DSG3: variants seen among roughly 807,000 people sequenced by gnomAD.
DSG3 encodes desmoglein 3.
DSG3 carries 63 observed loss-of-function variants against 85.9 expected under a neutral mutation model. That is an observed-to-expected ratio of 0.73 (90% CI 0.60 to 0.90). The LOEUF (loss-of-function observed/expected upper bound fraction) is 0.90. DSG3 is among the 40% of genes least tolerant of loss of function. The probability of loss-of-function intolerance (pLI) is 0.00; values close to 1 mark genes in which losing one functional copy is unlikely to be tolerated. For synonymous variants in DSG3, 447 were observed against 441.9 expected (o/e 1.01, Z -0.14); for missense variants, 1,220 against 1,219.9 (o/e 1.00, Z 0.00).
In DSG3 at chr18:31,465,325, A is replaced by G; in HGVS notation, c.1279A>G (p.Met427Val). The stretch of plus-strand genomic sequence containing the variant: ...TTTAATATTATGAAACAGATATGTC[A>G]TGGGACGTAACGATGGTGGATACCT... ...NKAASNVKYV[M>V]GRNDGGYLMI... Residue 427 changes from methionine (M) to valine (V), a missense_variant, in exon 10 of 16, where the codon ATG (methionine) becomes GTG (valine). Physicochemically the swap from Met to Val is conservative, Grantham distance 21 (BLOSUM62 1). Coordinates refer to ENST00000257189, the MANE Select transcript of DSG3 (RefSeq NM_001944.3). 1 of 1,457,558 alleles carries G rather than the reference A, an allele frequency of 6.9e-7. No homozygotes were observed. The highest frequency in any genetic ancestry group is 9.1e-7 in the Non-Finnish European group (1 of 1,100,194). 90.3% of individuals were successfully genotyped at this position (1,457,558 alleles called of 1,614,324 possible). A position where few individuals can be genotyped will look rare whatever the true frequency, so the allele number is the denominator to read the frequency against.
Position 31,472,785 on chromosome 18 carries a change from T to C in DSG3, c.2098T>C (p.Ser700Pro). The C allele has an allele frequency of 1.2e-6, 2 of 1,614,000 alleles. No homozygotes were observed. Among genetic ancestry groups the C allele is most frequent in the South Asian group, 1.1e-5 (1 of 91,078 alleles). ...TANGADFMES[S>P]EVCTNTYARG... is the part of the protein sequence containing the mutation. ...CAATGGAGCCGATTTCATGGAAAGT[T>C]CTGGTAAGTGGACATAAAATGTTTG... Residue 700 changes from serine (S) to proline (P), a missense_variant, in exon 14 of 16, where the codon TCT becomes CCT. Ser to Pro is a moderately conservative substitution (Grantham distance 74). Transcript: ENST00000257189.
chr18:31,455,280 G>A (rs1315128676), intron 1 of DSG3, among the ~76,000 whole-genome samples: 1 of 151,712 alleles, frequency 6.6e-6, no homozygotes, highest in African/African-American at 2.4e-5. Flanking sequence ...ATTAGCTACT[G>A]TTATTACTCT....
chr18:31,447,748 A>G lies in DSG3; in HGVS notation c.-130A>G, dbSNP rs1467317301. ...AGGGTGGGGAGGGACCGCATAACAG[A>G]CCATCTGTAGACTCCTTCGGAAAGC... On this transcript the variant is annotated 5_prime_UTR_variant, in exon 1 of 16. Transcript: ENST00000257189. The G allele has an allele frequency of 1.6e-6, 1 of 621,306 alleles. No individual in the cohort carries two copies. The highest frequency in any genetic ancestry group is 3.2e-5 in the East Asian group (1 of 31,036). 38.5% of individuals were successfully genotyped at this position (621,306 alleles called of 1,614,324 possible).
In DSG3 at chr18:31,464,401, A is replaced by G. The variant is rs749418117; in HGVS notation, c.1271+19A>G. 7.5e-6 allele frequency: 12 copies of G among 1,591,330 alleles called. No homozygotes were observed. The Admixed American group carries it at 8.8e-5, about 12-fold the overall frequency. ...ATGTCAAGTAAGACTATTTTTATTT[A>G]TATCCTATTTCTTGATGAGGTTTTA... On this transcript the variant is annotated intron_variant, in intron 9 of 15. Transcript: ENST00000257189.
chr18:31,465,190 A>T (rs1197800606), intron 9 of DSG3, 128 bp from the exon 10 acceptor site: 2 of 622,538 alleles, frequency 3.2e-6, no homozygotes, highest in Non-Finnish European at 2.4e-6. Flanking sequence ...GTTGCTTTTT[A>T]TAAAAGCATA....
chr18:31,475,604 C>CAAGCA lies in DSG3; in HGVS notation c.2386-42_2386-41insAAGCA, dbSNP rs1245263175. The CAAGCA allele has an allele frequency of 1.9e-6, 3 of 1,589,064 alleles. No homozygotes were observed. The Admixed American group carries it at 5.3e-5, about 28-fold the overall frequency. ...ACAGTATTATATTGTTCAACTGACTCTTTCTTAAAATTCATTTTTTCCCAC... is the reference window on the plus strand; with the variant it reads ...ACAGTATTATATTGTTCAACTGACTCAAGCATTTCTTAAAATTCATTTTTTCCCAC... On this transcript the variant is annotated intron_variant, in intron 15 of 15. Transcript: ENST00000257189.
At position 31,466,646 on chromosome 18, in the gene DSG3, G is replaced by A. The variant is rs1462035177; in HGVS notation, c.1528G>A (p.Val510Ile). The A allele has an allele frequency of 1.2e-6, 2 of 1,614,182 alleles. No homozygotes were observed. Among genetic ancestry groups the A allele is most frequent in the Non-Finnish European group, 1.7e-6 (2 of 1,180,028 alleles). Residue 510 changes from valine to isoleucine, a missense_variant, in exon 11 of 16, where the codon GTT becomes ATT. Physicochemically the swap from Val to Ile is conservative, Grantham distance 29. Transcript: ENST00000257189. ...DAVCSSSPSV[V>I]VSARTLNNRY... ...AGTTTGCAGTTCTTCACCTTCCGTG[G>A]TTGTCTCCGCTAGAACACTGAATAA...
At chr18:31,469,374 T>C (rs772895546) in intron 12 of DSG3, 25 bp downstream of exon 12, 2 of 1,610,754 alleles carry the variant, frequency 1.2e-6, no homozygotes, top group South Asian at 1.1e-5. Flanking sequence ...TTTCATTCTC[T>C]GTTGGACCAG....
At chr18:31,459,788 G>C (rs1011422792) in intron 5 of DSG3, 57 bp from the exon 6 acceptor site, 11 of 1,467,622 alleles carry the variant, frequency 7.5e-6, no homozygotes, top group Non-Finnish European at 1.0e-5. Flanking sequence ...AATATTTAAA[G>C]TAAACATAAT....
chr18:31,450,925 C>T (rs1277478050), intron 1 of DSG3, among the ~76,000 whole-genome samples: 1 of 151,970 alleles, frequency 6.6e-6, no homozygotes, highest in African/African-American at 2.4e-5. Flanking sequence ...ACCATGGATA[C>T]CAGTGTTAGT....
chr18:31,464,131 A>AAGTTT lies in DSG3; in HGVS notation c.1020_1021insAGTTT (p.Gln341SerfsTer5), dbSNP rs773454351. On this transcript the variant is annotated frameshift_variant, in exon 9 of 16. Transcript: ENST00000257189. LOFTEE classifies it high-confidence loss of function. The stretch of plus-strand genomic sequence containing the variant: ...TCCAGGCTCTAGATTATGAACAACT[A>AAGTTT]CAAAGCGTGAAACTTAGTATTGCTG... The AAGTTT allele has an allele frequency of 1.2e-6, 2 of 1,613,870 alleles. No individual in the cohort carries two copies. The highest frequency in any genetic ancestry group is 3.3e-5 in the Admixed American group (2 of 59,998).
Position 31,459,943 on chromosome 18 carries a change from A to C in DSG3, c.616A>C (p.Thr206Pro), listed in dbSNP as rs751104724. 1.4e-5 allele frequency: 22 copies of C among 1,614,122 alleles called. No homozygotes were observed. The South Asian group carries it at 2.2e-4, about 16-fold the overall frequency. Residue 206 changes from threonine to proline, a missense_variant, in exon 6 of 16, where the codon ACA becomes CCA. Transcript: ENST00000257189. ...FKIVSQEPAG[T>P]PMFLLSRNTG... ...AATTGTCTCTCAGGAACCAGCAGGC[A>C]CACCCATGTTCCTCCTAAGCAGAAA...
At chr18:31,448,028 A>T in intron 1 of DSG3, 103 bp downstream of exon 1, 1 of 824,788 alleles carries the variant, frequency 1.2e-6, no homozygotes, top group Non-Finnish European at 1.7e-6. Context: ...TTCTAAAAGG[A>T]GTGCAGTGGA....
intron 8 of DSG3, among the ~76,000 whole-genome samples, chr18:31,461,911 A>G (rs2072788839): frequency 6.6e-6 from 1 of 152,228 alleles, no homozygotes; most frequent in Non-Finnish European, 1.5e-5. Context: ...TGCAAAATAA[A>G]AGATAAATAA....
In DSG3 at chr18:31,460,915, A is replaced by C. The variant is rs571498043; in HGVS notation, c.767A>C (p.Lys256Thr). The part of the protein sequence containing the change: ...GLSTQCECNI[K>T]VKDVNDNFPM... Reference sequence around the variant, plus strand: ...TCAACTCAATGTGAATGTAATATTAAAGTGAAAGATGTCAACGATAACTTC... The same window carrying C: ...TCAACTCAATGTGAATGTAATATTACAGTGAAAGATGTCAACGATAACTTC... The change falls in exon 7 of 16, where the codon AAA becomes ACA. Residue 256 changes from lysine to threonine, a missense_variant. Coordinates refer to ENST00000257189, the MANE Select transcript of DSG3 (RefSeq NM_001944.3). The C allele has an allele frequency of 3.8e-5, 61 of 1,604,674 alleles. No homozygotes were observed. In the East Asian group the frequency reaches 1.4e-3, roughly 36 times the overall value.
rs1483785557 is a variant in DSG3, at chr18:31,460,830, T to C, written c.685-3T>C. ...TTTTTCTTTATTTTTTATCCAAAAT[T>C]AGCAAGCTAGCAGCTATCGTCTGGT... On this transcript the variant is annotated splice_region_variant and splice_polypyrimidine_tract_variant and intron_variant, in intron 6 of 15. Transcript: ENST00000257189. 1 of 1,567,308 alleles carries C rather than the reference T, an allele frequency of 6.4e-7. No homozygotes were observed. Among genetic ancestry groups the C allele is most frequent in the East Asian group, 2.3e-5 (1 of 42,776 alleles).
chr18:31,475,649 G>A lies in DSG3; in HGVS notation c.2389G>A (p.Ala797Thr). Reference sequence around the variant, plus strand: ...TCCCACTTTTTCTCTGTCTTAGAAAGCATTTGCCTGTGCGGAGGAAGACGA... The same window carrying A: ...TCCCACTTTTTCTCTGTCTTAGAAAACATTTGCCTGTGCGGAGGAAGACGA... Reference protein sequence around the residue: ...NFLDSYFSQKAFACAEEDDGQ... With the variant: ...NFLDSYFSQKTFACAEEDDGQ... Residue 797 changes from alanine to threonine, a missense_variant, in exon 16 of 16, where the codon GCA becomes ACA. Transcript: ENST00000257189. 1 of 1,613,328 alleles carries A rather than the reference G, an allele frequency of 6.2e-7. No homozygotes were observed. The highest frequency in any genetic ancestry group is 1.1e-5 in the South Asian group (1 of 90,984).
intron 1 of DSG3, 22 bp downstream of exon 1, chr18:31,447,947 T>C (rs2072688648): frequency 6.5e-7 from 1 of 1,537,884 alleles, no homozygotes; most frequent in Non-Finnish European, 8.7e-7. Context: ...ATTTTCCTAA[T>C]AATCACAAAC....
Position 31,460,976 on chromosome 18 carries a change from C to G in DSG3, c.813+15C>G. ...GAGACTCTCAGGTACACCCATTGCT[C>G]CTTAAAGAATCATTTAGATATATAT... On this transcript the variant is annotated intron_variant, in intron 7 of 15. Coordinates refer to ENST00000257189, the MANE Select transcript of DSG3 (RefSeq NM_001944.3). 1.3e-6 allele frequency: 2 copies of G among 1,568,778 alleles called. No homozygotes were observed. Among genetic ancestry groups the G allele is most frequent in the Non-Finnish European group, 1.7e-6 (2 of 1,166,940 alleles).
Sources: gnomAD v4.1 joint callset for allele counts (sites outside exome capture counted in the v4.1 genomes callset) on GRCh38, gnomAD v4.1.1 for gene constraint, MANE v1.5 for transcripts, NCBI Gene and HGNC (gene_info 2026-07-23, HGNC 2026-07-21) for gene names.